NRXN3: variants seen among roughly 807,000 people sequenced by gnomAD.
NRXN3 encodes neurexin III.
In NRXN3, 32 loss-of-function variants were observed where a neutral mutation model predicts 137.6. The ratio of observed to expected loss-of-function variants is 0.23; its 90% CI spans 0.18 to 0.31. The LOEUF (loss-of-function observed/expected upper bound fraction) is 0.31, where lower values mean the gene tolerates loss of function less well. NRXN3 is among the 10% of genes least tolerant of loss of function. The probability of loss-of-function intolerance (pLI) is 1.00; values close to 1 mark genes in which losing one functional copy is unlikely to be tolerated. For missense variants in NRXN3, 1,574 were observed against 2,062.5 expected (o/e 0.76, Z 4.59); for synonymous variants, 798 against 784.5 (o/e 1.02, Z -0.29).
chr14:79,709,754 C>T (rs1165154019), intron 19 of NRXN3, among the ~76,000 whole-genome samples: 3 of 152,144 alleles, frequency 2.0e-5, no homozygotes, highest in African/African-American at 4.8e-5. Context: ...TATCTCGGGG[C>T]TGCTGTTCTC....
chr14:79,024,229 A>G lies in NRXN3; in HGVS notation c.3262+36088A>G, dbSNP rs554062002. 4.6e-5 allele frequency among the ~76,000 whole-genome samples: 7 copies of G among 152,228 alleles called. No homozygotes were observed. The South Asian group carries it at 1.2e-3, about 27-fold the overall frequency. On this transcript the variant is annotated intron_variant, in intron 15 of 20. Coordinates refer to ENST00000335750, the MANE Select transcript of NRXN3 (RefSeq NM_001330195.2). ...ATTTGCCACTGAAACACCATATTCT[A>G]TAACTTCAGGCCATCAATGGGAAGC...
chr14:79,319,083 A>G (rs978786334), intron 15 of NRXN3, among the ~76,000 whole-genome samples: 1 of 152,204 alleles, frequency 6.6e-6, no homozygotes, highest in Non-Finnish European at 1.5e-5. Context: ...AAAAGAGGAT[A>G]TGTTTTCTTG....
intron 15 of NRXN3, among the ~76,000 whole-genome samples, chr14:79,064,180 G>A (rs1568162635): frequency 6.6e-6 from 1 of 152,252 alleles, no homozygotes. Context: ...GGTCAAACAT[G>A]GAGACAATGG....
At chr14:79,084,663 C>A (rs1042504027) in intron 15 of NRXN3, among the ~76,000 whole-genome samples, 1 of 152,034 alleles carries the variant, frequency 6.6e-6, no homozygotes, top group Non-Finnish European at 1.5e-5. Flanking sequence ...AGGTAAATGC[C>A]CCTATTGTAC....
intron 10 of NRXN3, among the ~76,000 whole-genome samples, chr14:78,826,797 G>T (rs1381626012): frequency 6.6e-6 from 1 of 152,000 alleles, no homozygotes; most frequent in Non-Finnish European, 1.5e-5. Flanking sequence ...AATTTCTCCT[G>T]CATGTCTTCC....
Position 78,342,395 on chromosome 14 carries a change from CTG to C in NRXN3, c.757+44537_757+44538del, listed in dbSNP as rs146806733. On this transcript the variant is annotated intron_variant, in intron 4 of 20. Coordinates refer to ENST00000335750, the MANE Select transcript of NRXN3 (RefSeq NM_001330195.2). ...TGCTAGGGCCACATTTCGTGGCCCTCTGTAATTAGGTGCCAAGATTGCCGAGG... is the reference window on the plus strand; with the variant it reads ...TGCTAGGGCCACATTTCGTGGCCCTCTAATTAGGTGCCAAGATTGCCGAGG... Among the ~76,000 whole-genome samples the C allele has an allele frequency of 1.1e-4, 16 of 152,284 alleles. No homozygotes were observed. In the East Asian group the frequency reaches 3.1e-3, roughly 29 times the overall value.
At chr14:79,183,580 G>A (rs1199971915) in intron 15 of NRXN3, among the ~76,000 whole-genome samples, 4 of 152,134 alleles carry the variant, frequency 2.6e-5, no homozygotes, top group Non-Finnish European at 5.9e-5. Flanking sequence ...AGTAAGTCTG[G>A]TGTTCAAAAG....
chr14:78,979,113 T>C (rs71414775), intron 14 of NRXN3, among the ~76,000 whole-genome samples: 13,104 of 152,172 alleles, frequency 0.086, 877 homozygotes, highest in Non-Finnish European at 0.11. Context: ...CTACTCACAC[T>C]GGGGACCATC....
chr14:79,340,965 A>T (rs2092579206), intron 15 of NRXN3, among the ~76,000 whole-genome samples: 1 of 152,202 alleles, frequency 6.6e-6, no homozygotes, highest in Non-Finnish European at 1.5e-5. Context: ...TGTAAAAATG[A>T]GGTATAATGG....
chr14:79,018,652 C>A (rs1327725948), intron 15 of NRXN3, among the ~76,000 whole-genome samples: 1 of 152,136 alleles, frequency 6.6e-6, no homozygotes, highest in Non-Finnish European at 1.5e-5. Context: ...AATGAATAAG[C>A]AAAATCAATA....
At chr14:78,269,795 C>T (rs1256413056) in intron 2 of NRXN3, among the ~76,000 whole-genome samples, 1 of 152,098 alleles carries the variant, frequency 6.6e-6, no homozygotes, top group East Asian at 1.9e-4. Flanking sequence ...CACTGAAACC[C>T]TAGAAGACCC....
At chr14:79,782,083 C>A (rs930920158) in intron 19 of NRXN3, among the ~76,000 whole-genome samples, 39 of 152,278 alleles carry the variant, frequency 2.6e-4, no homozygotes, top group Middle Eastern at 3.4e-3. Context: ...AAAATTCCTC[C>A]ATTCCTTGAA....
chr14:78,377,118 GA>G (rs1179881567), intron 4 of NRXN3, among the ~76,000 whole-genome samples: 1 of 152,148 alleles, frequency 6.6e-6, no homozygotes, highest in Non-Finnish European at 1.5e-5. Context: ...TCCAATTAAA[GA>G]GATTGGGAGA....
At chr14:78,826,792 C>A (rs2098967971) in intron 10 of NRXN3, among the ~76,000 whole-genome samples, 1 of 152,088 alleles carries the variant, frequency 6.6e-6, no homozygotes, top group African/African-American at 2.4e-5. Context: ...TTCTTAATTT[C>A]TCCTGCATGT....
chr14:79,638,052 T>C (rs1206030545), intron 16 of NRXN3, among the ~76,000 whole-genome samples: 2 of 152,054 alleles, frequency 1.3e-5, no homozygotes, highest in Admixed American at 1.3e-4. Context: ...TCCTATATTA[T>C]ACGTGCCCAT....
intron 19 of NRXN3, among the ~76,000 whole-genome samples, chr14:79,759,431 T>A (rs1432625430): frequency 6.6e-6 from 1 of 151,390 alleles, no homozygotes; most frequent in Non-Finnish European, 1.5e-5. Context: ...GTCCTAGGAG[T>A]ATTCAGAGTA....
At chr14:79,616,266 T>C (rs1051965594) in intron 16 of NRXN3, among the ~76,000 whole-genome samples, 1 of 152,078 alleles carries the variant, frequency 6.6e-6, no homozygotes, top group African/African-American at 2.4e-5. Flanking sequence ...GGCTGCAGCA[T>C]GGGAGCAACA....
At chr14:78,810,465 T>G (rs1349813060) in intron 10 of NRXN3, 121 bp downstream of exon 10, 6 of 138,534 alleles carry the variant, frequency 4.3e-5, no homozygotes, top group East Asian at 3.2e-4. Context: ...AACAATGGAG[T>G]GGGGGGGACC....
chr14:79,164,397 CA>C (rs1474724691), intron 15 of NRXN3, among the ~76,000 whole-genome samples: 4 of 151,952 alleles, frequency 2.6e-5, no homozygotes, highest in Admixed American at 6.6e-5. Context: ...TTGTTTTCTG[CA>C]TTTTCATTTG....
Sources: allele counts gnomAD v4.1 joint callset (sites outside exome capture counted in the v4.1 genomes callset), GRCh38; gene constraint gnomAD v4.1.1; transcripts MANE v1.5; gene names NCBI Gene and HGNC (gene_info 2026-07-23, HGNC 2026-07-21).